Variants in ARAP1 observed in about 807,000 individuals in gnomAD.
ARAP1 encodes ArfGAP with RhoGAP domain, ankyrin repeat and PH domain 1.
A neutral mutation model predicts 172.2 loss-of-function variants in ARAP1; 76 were observed. That is an observed-to-expected ratio of 0.44 (90% CI 0.37 to 0.53). The LOEUF is 0.53. Among genes scored for constraint, ARAP1 ranks in the 20% least tolerant of loss-of-function variants. ARAP1 has a pLI of 0.00. For missense variants in ARAP1, 1,686 were observed against 1,977.5 expected, an observed-to-expected ratio of 0.85 and a Z score of 2.80; for synonymous variants, 804 against 803.3, an observed-to-expected ratio of 1.00 and a Z score of -0.01.
At position 72,711,443 on chromosome 11, in the gene ARAP1, A is replaced by G; in HGVS notation, c.1079T>C (p.Phe360Ser). The G allele has an allele frequency of 6.2e-7, 1 of 1,612,724 alleles. No individual in the cohort carries two copies. The highest frequency in any genetic ancestry group is 2.2e-5 in the East Asian group (1 of 44,808). Residue 360 changes from phenylalanine (F) to serine (S), a missense_variant, in exon 8 of 35, where the codon TTT (phenylalanine) becomes TCT (serine). Physicochemically the swap from Phe to Ser is radical, Grantham distance 155 (BLOSUM62 -2). This residue lies in a region of ARAP1 where 688 missense variants were observed against 856.9 expected (regional missense o/e 0.80). Transcript: ENST00000393609. The part of the protein sequence containing the change: ...VRLDTDHLRY[F>S]DSNKDAYSKR... ...TGCAGGCCTCACCTTGTTACTGTCA[A>G]AGTATCGCAGGTGATCAGTATCCAG...
intron 7 of ARAP1, 47 bp downstream of exon 7, chr11:72,712,149 C>T: frequency 6.6e-7 from 1 of 1,509,566 alleles, no homozygotes; most frequent in Non-Finnish European, 8.8e-7. Flanking sequence ...ACACTGCCCC[C>T]CACCCCCCCA....
chr11:72,697,402 G>A lies in ARAP1; in HGVS notation c.2874C>T (p.Asp958=), dbSNP rs374807261. 204 of 1,612,250 alleles carry A rather than the reference G, an allele frequency of 1.3e-4. No individual in the cohort carries two copies. In the African/African-American group the frequency reaches 2.6e-3, roughly 20 times the overall value. Residue 958 remains aspartate, a synonymous_variant, in exon 21 of 35, where the codon GAC becomes GAT. Coordinates refer to ENST00000393609, the MANE Select transcript of ARAP1 (RefSeq NM_001040118.3). ...AIQKAAASMG[D]TLSEQQLGDS... is the part of the protein sequence containing the mutation. ...CCCCAAGCTGCTGCTCCGACAGCGT[G>A]TCCCCCATGCTGGCGGCTGCTTTCT...
Position 72,693,877 on chromosome 11 carries a change from CATAT to C in ARAP1, c.3695-76_3695-73del. 4 of 1,250,010 alleles carry C rather than the reference CATAT, an allele frequency of 3.2e-6. No individual in the cohort carries two copies. Among genetic ancestry groups the C allele is most frequent in the South Asian group, 2.8e-5 (2 of 72,554 alleles). 77.4% of individuals were successfully genotyped at this position (1,250,010 alleles called of 1,614,324 possible). On this transcript the variant is annotated intron_variant, in intron 27 of 34. Transcript: ENST00000393609. This position sits in a 1 kb window ranked among gnomAD's most constrained non-coding sequence, Gnocchi z 4.6. ...ACCACCAAAGGCTGGCAGATGGGCA[CATAT>C]CACCTACACATCCCCTGTCCACTCC...
rs745998343 is a variant in ARAP1 at position 72,693,762 on chromosome 11, G to A, written c.3738C>T (p.His1246=). The change falls in exon 28 of 35, where the codon CAC becomes CAT. Residue 1246 remains histidine (H), a synonymous_variant. Coordinates refer to ENST00000393609, the MANE Select transcript of ARAP1 (RefSeq NM_001040118.3). This position sits in a 1 kb window ranked among gnomAD's most constrained non-coding sequence, Gnocchi z 4.6. ...CCAGGTGGCTGTCCGTGCCCAGCCC[G>A]TGCAGGATGGGCAGCACCTTCTCCG... The part of the protein sequence containing the change: ...HFAEKVLPIL[H]GLGTDSHLVV... The A allele has an allele frequency of 2.2e-5, 35 of 1,609,476 alleles. No homozygotes were observed. In the South Asian group the frequency reaches 2.2e-4, roughly 10 times the overall value.
At chr11:72,708,733 T>A (rs766077512) in intron 11 of ARAP1, among the ~76,000 whole-genome samples, 4 of 151,894 alleles carry the variant, frequency 2.6e-5, no homozygotes, top group Non-Finnish European at 5.9e-5. Flanking sequence ...TGGGGCCAGA[T>A]GGGGTAAAAA....
Position 72,710,591 on chromosome 11 carries a change from C to T in ARAP1, c.1214-4G>A, listed in dbSNP as rs772556805. ...TGCATCCACTCCTTCCGCTCCACTG[C>T]AGGAGAAGGGTAGAGGAGTAAGCCC... On this transcript the variant is annotated splice_region_variant and splice_polypyrimidine_tract_variant and intron_variant, in intron 9 of 34. Transcript: ENST00000393609. This position sits in a 1 kb window ranked among gnomAD's most constrained non-coding sequence, Gnocchi z 4.3. 1.2e-6 allele frequency: 2 copies of T among 1,603,132 alleles called. No individual in the cohort carries two copies. Among genetic ancestry groups the T allele is most frequent in the Non-Finnish European group, 1.7e-6 (2 of 1,178,306 alleles).
chr11:72,704,023 C>T lies in ARAP1; in HGVS notation c.1992+129G>A. ...AGGCAGGGCCCTTCTGCCCTCCAAA[C>T]ATCAGTTTCCCCATATGCCAAGACA... On this transcript the variant is annotated intron_variant, in intron 14 of 34. Coordinates refer to ENST00000393609, the MANE Select transcript of ARAP1 (RefSeq NM_001040118.3). 4 of 1,285,768 alleles carry T rather than the reference C, an allele frequency of 3.1e-6. 1 individual carries two copies. In the South Asian group the frequency reaches 4.2e-5, roughly 13 times the overall value. 79.6% of individuals were successfully genotyped at this position (1,285,768 alleles called of 1,614,324 possible).
Position 72,703,098 on chromosome 11 carries a change from G to C in ARAP1, c.1993-19C>G. ...ACAGGGCCTAGGAAGAGGCAGGGGA[G>C]GGTCAGCCCAAGAAGGAGTAGGGGG... On this transcript the variant is annotated intron_variant, in intron 14 of 34. Transcript: ENST00000393609. The C allele has an allele frequency of 3.9e-6, 6 of 1,533,956 alleles. No homozygotes were observed. Among genetic ancestry groups the C allele is most frequent in the Non-Finnish European group, 5.2e-6 (6 of 1,143,608 alleles).
At position 72,688,431 on chromosome 11, in the gene ARAP1, C is replaced by T. The variant is rs549645612; in HGVS notation, c.4070+24G>A. 8 of 1,604,332 alleles carry T rather than the reference C, an allele frequency of 5.0e-6. No individual in the cohort carries two copies. The East Asian group carries it at 1.6e-4, about 31-fold the overall frequency. On this transcript the variant is annotated intron_variant, in intron 31 of 34. Coordinates refer to ENST00000393609, the MANE Select transcript of ARAP1 (RefSeq NM_001040118.3). ...AGCCCCCATAAGCCCCAGTAGCAGG[C>T]CTATCTGCCCAGTCCCAGCTTACCA...
intron 1 of ARAP1, among the ~76,000 whole-genome samples, chr11:72,745,963 T>TCTGC (rs1426867964): frequency 6.6e-6 from 1 of 152,056 alleles, no homozygotes. Context: ...AGCCCAGCCT[T>TCTGC]CTATACCCTA....
At position 72,711,152 on chromosome 11, in the gene ARAP1, G is replaced by A; in HGVS notation, c.1093-11C>T. On this transcript the variant is annotated splice_polypyrimidine_tract_variant and intron_variant, in intron 8 of 34. Coordinates refer to ENST00000393609, the MANE Select transcript of ARAP1 (RefSeq NM_001040118.3). ...CTTAGAGTAAGCGTCCTGGGGGAGAGACAGGAACTATATTTTGGGACCCAG... is the reference window on the plus strand; with the variant it reads ...CTTAGAGTAAGCGTCCTGGGGGAGAAACAGGAACTATATTTTGGGACCCAG... 3 of 1,614,090 alleles carry A rather than the reference G, an allele frequency of 1.9e-6. No homozygotes were observed. The highest frequency in any genetic ancestry group is 1.1e-5 in the South Asian group (1 of 91,080).
At chr11:72,688,619 T>C in intron 30 of ARAP1, 82 bp from the exon 31 acceptor site, 3 of 1,189,352 alleles carry the variant, frequency 2.5e-6, no homozygotes, top group Non-Finnish European at 3.7e-6. Flanking sequence ...CAGCTCCCTC[T>C]TCCAACTCCC....
At chr11:72,688,329 G>C (rs1855778950) in intron 31 of ARAP1, 126 bp downstream of exon 31, 3 of 782,100 alleles carry the variant, frequency 3.8e-6, no homozygotes, top group Non-Finnish European at 6.2e-6. Context: ...TGCTGGTCTG[G>C]AGACCACACC....
intron 1 of ARAP1, among the ~76,000 whole-genome samples, chr11:72,742,075 G>A (rs776469810): frequency 8.5e-5 from 13 of 152,162 alleles, no homozygotes; most frequent in Non-Finnish European, 1.8e-4. Flanking sequence ...GGGTGGGGCC[G>A]GGACTAGGGT....
intron 4 of ARAP1, 56 bp from the exon 5 acceptor site, chr11:72,713,299 G>A: frequency 6.6e-7 from 1 of 1,520,792 alleles, no homozygotes; most frequent in Non-Finnish European, 9.1e-7. Context: ...TCCTCTCCTG[G>A]GGCACCACAC....
intron 3 of ARAP1, among the ~76,000 whole-genome samples, chr11:72,718,348 G>A (rs1368241815): frequency 1.3e-5 from 2 of 151,866 alleles, no homozygotes; most frequent in African/African-American, 4.8e-5. Flanking sequence ...ACCCCTAAGA[G>A]TAGGCCCCGC....
chr11:72,737,399 A>G (rs1162244565), intron 1 of ARAP1, among the ~76,000 whole-genome samples: 2 of 152,038 alleles, frequency 1.3e-5, no homozygotes, highest in East Asian at 3.9e-4. Context: ...TTCAACCCCA[A>G]GGTCAGAGTT....
intron 2 of ARAP1, among the ~76,000 whole-genome samples, chr11:72,727,906 G>C (rs1857746027): frequency 6.6e-6 from 1 of 152,210 alleles, no homozygotes; most frequent in African/African-American, 2.4e-5. Context: ...TGGGAGTCAA[G>C]AGGTGATATG....
At chr11:72,692,827 C>T in intron 29 of ARAP1, 42 bp from the exon 30 acceptor site, 1 of 1,611,526 alleles carries the variant, frequency 6.2e-7, no homozygotes, top group South Asian at 1.1e-5. Flanking sequence ...AGTCCCAGGT[C>T]TAGAGCCAGG....
Sources: gnomAD v4.1 joint callset for allele counts (sites outside exome capture counted in the v4.1 genomes callset) on GRCh38, gnomAD v4.1.1 for gene constraint, gnomAD v4.1.1 regional missense constraint, Gnocchi (gnomAD v3.1) non-coding constraint, MANE v1.5 for transcripts, NCBI Gene and HGNC (gene_info 2026-07-23, HGNC 2026-07-21) for gene names.